CCDC50: variants seen among roughly 807,000 people sequenced by gnomAD.
The protein encoded by CCDC50 is coiled-coil domain containing 50, also known as coiled-coil domain-containing protein 50.
A neutral mutation model predicts 70.2 loss-of-function variants in CCDC50; 54 were observed. The ratio of observed to expected loss-of-function variants is 0.77; its 90% CI spans 0.62 to 0.96. The LOEUF is 0.96. CCDC50 is among the 50% of genes least tolerant of loss of function. The probability of loss-of-function intolerance (pLI) is 0.00; values close to 1 mark genes in which losing one functional copy is unlikely to be tolerated. For synonymous variants in CCDC50, 216 were observed against 198.8 expected (o/e 1.09, Z -0.73); for missense variants, 558 against 578.7 (o/e 0.96, Z 0.37).
At chr3:191,343,659 A>G (rs1226022417) in intron 1 of CCDC50, among the ~76,000 whole-genome samples, 1 of 152,216 alleles carries the variant, frequency 6.6e-6, no homozygotes, top group Admixed American at 6.5e-5. Flanking sequence ...TTTTTAAAGA[A>G]GGTACAGGAG....
chr3:191,383,192 G>C (rs900241640), intron 10 of CCDC50, among the ~76,000 whole-genome samples: 1 of 152,078 alleles, frequency 6.6e-6, no homozygotes, highest in Non-Finnish European at 1.5e-5. Flanking sequence ...CCACACTGAT[G>C]TGTGCATGCC....
intron 4 of CCDC50, among the ~76,000 whole-genome samples, chr3:191,365,364 T>C (rs1483524025): frequency 6.6e-6 from 1 of 151,994 alleles, no homozygotes; most frequent in African/African-American, 2.4e-5. Flanking sequence ...TCTAAAAGAA[T>C]ATTTACACAT....
intron 10 of CCDC50, among the ~76,000 whole-genome samples, chr3:191,384,791 C>G (rs1170623519): frequency 6.6e-6 from 1 of 151,948 alleles, no homozygotes; most frequent in Non-Finnish European, 1.5e-5. Context: ...AACAGAGTAC[C>G]CAGTAGGAAG....
In CCDC50 at chr3:191,369,881, T is replaced by C. The variant is rs1712836168; in HGVS notation, c.331-38T>C. The C allele has an allele frequency of 3.5e-6, 5 of 1,447,824 alleles. No homozygotes were observed. The South Asian group carries it at 4.6e-5, about 13-fold the overall frequency. 89.7% of individuals were successfully genotyped at this position (1,447,824 alleles called of 1,614,324 possible). A position where few individuals can be genotyped will look rare whatever the true frequency, so the allele number is the denominator to read the frequency against. On this transcript the variant is annotated intron_variant, in intron 4 of 11. Transcript: ENST00000392455. ...CACCATATGGAGTTTGTTTGTTCTTTGGTAATGTGTATTTCCATTCTCCTC... is the reference window on the plus strand; with the variant it reads ...CACCATATGGAGTTTGTTTGTTCTTCGGTAATGTGTATTTCCATTCTCCTC...
chr3:191,388,265 T>G (rs1235594428), intron 10 of CCDC50, among the ~76,000 whole-genome samples: 1 of 152,010 alleles, frequency 6.6e-6, no homozygotes, highest in East Asian at 1.9e-4. Context: ...ATACATATAG[T>G]CTTTTATACA....
chr3:191,382,790 T>A lies in CCDC50; in HGVS notation c.1287T>A (p.Asp429Glu), dbSNP rs1175453661. Residue 429 changes from aspartate to glutamate, a missense_variant, in exon 10 of 12, where the codon GAT (aspartate) becomes GAA (glutamate). Physicochemically the swap from Asp to Glu is conservative, Grantham distance 45 (BLOSUM62 2). Transcript: ENST00000392455. ...CAAATTCCAAGTCAAAAGAGAGTGA[T>A]GAACCTCACCATTCTAAGAATGAAA... The part of the protein sequence containing the change: ...KAANSKSKES[D>E]EPHHSKNERP... The A allele has an allele frequency of 6.2e-7, 1 of 1,613,054 alleles. No homozygotes were observed. Among genetic ancestry groups the A allele is most frequent in the East Asian group, 2.2e-5 (1 of 44,846 alleles).
chr3:191,391,399 G>A (rs293843), intron 11 of CCDC50, among the ~76,000 whole-genome samples: 142,669 of 152,252 alleles, frequency 0.94, 66,952 homozygotes, highest in African/African-American at 0.99. Flanking sequence ...TATTTTAAAA[G>A]TAAGGTTAGT....
intron 4 of CCDC50, among the ~76,000 whole-genome samples, chr3:191,365,563 TCAAA>T (rs1367208851): frequency 1.3e-5 from 2 of 152,168 alleles, no homozygotes; most frequent in Admixed American, 6.5e-5. Context: ...TCCTGTTTTA[TCAAA>T]CAAACCTTTT....
intron 1 of CCDC50, among the ~76,000 whole-genome samples, chr3:191,332,119 G>A (rs376857688): frequency 6.6e-6 from 1 of 152,216 alleles, no homozygotes; most frequent in Non-Finnish European, 1.5e-5. Context: ...TTTAGGAGGG[G>A]ATGGGGCACC....
intron 1 of CCDC50, among the ~76,000 whole-genome samples, chr3:191,354,836 G>A (rs1352021844): frequency 6.6e-6 from 1 of 152,040 alleles, no homozygotes; most frequent in African/African-American, 2.4e-5. Flanking sequence ...ATATAAAATG[G>A]GGTAGTATTT....
At chr3:191,342,384 A>C (rs1711763325) in intron 1 of CCDC50, among the ~76,000 whole-genome samples, 1 of 152,082 alleles carries the variant, frequency 6.6e-6, no homozygotes, top group Non-Finnish European at 1.5e-5. Flanking sequence ...TACTACTCCT[A>C]ATAGGAAGGA....
chr3:191,388,364 G>C (rs76661967), intron 10 of CCDC50, among the ~76,000 whole-genome samples: 9,041 of 152,086 alleles, frequency 0.059, 483 homozygotes, highest in East Asian at 0.25. Context: ...TTGAGCCCTG[G>C]GTCTGCCACT....
intron 4 of CCDC50, among the ~76,000 whole-genome samples, chr3:191,365,900 A>G (rs1712671473): frequency 6.6e-6 from 1 of 152,172 alleles, no homozygotes; most frequent in Non-Finnish European, 1.5e-5. Context: ...AAATTCCAAA[A>G]TGTTCCAATG....
intron 1 of CCDC50, among the ~76,000 whole-genome samples, chr3:191,350,203 A>G (rs565869436): frequency 1.4e-5 from 2 of 141,870 alleles, no homozygotes; most frequent in African/African-American, 5.0e-5. Context: ...GAAGTGCTGT[A>G]TAAATTTCAG....
chr3:191,379,259 C>T (rs767874796), intron 6 of CCDC50, among the ~76,000 whole-genome samples: 8 of 151,960 alleles, frequency 5.3e-5, no homozygotes, highest in Non-Finnish European at 1.2e-4. Flanking sequence ...TATTTTTATA[C>T]GTGTTCAAAG....
intron 5 of CCDC50, chr3:191,370,262 G>C: frequency 2.5e-6 from 1 of 406,094 alleles, no homozygotes; most frequent in Non-Finnish European, 4.7e-6. Context: ...TGTGCACAAC[G>C]TGCAGGTTTG....
chr3:191,365,609 G>A (rs1015162152), intron 4 of CCDC50, among the ~76,000 whole-genome samples: 2 of 152,120 alleles, frequency 1.3e-5, no homozygotes, highest in African/African-American at 4.8e-5. Context: ...TCCCTGCCGA[G>A]TTAGATGTTA....
chr3:191,379,489 A>C (rs191523004), intron 6 of CCDC50, among the ~76,000 whole-genome samples: 52 of 152,278 alleles, frequency 3.4e-4, no homozygotes, highest in Admixed American at 2.0e-4. Flanking sequence ...CTTTATAGGA[A>C]TAAATTGGAA....
chr3:191,381,159 C>T (rs1320281553), intron 9 of CCDC50, among the ~76,000 whole-genome samples: 3 of 151,964 alleles, frequency 2.0e-5, no homozygotes, highest in Non-Finnish European at 4.4e-5. Context: ...CATTCTGTTC[C>T]CTTTAAGACG....
Sources: allele counts gnomAD v4.1 joint callset (sites outside exome capture counted in the v4.1 genomes callset), GRCh38; gene constraint gnomAD v4.1.1; transcripts MANE v1.5; gene names NCBI Gene and HGNC (gene_info 2026-07-23, HGNC 2026-07-21).